The following SNCAIP variants were observed in gnomAD, a reference collection of about 807,000 sequenced individuals.
SNCAIP encodes synphilin-1.
In SNCAIP, 43 loss-of-function variants were observed where a neutral mutation model predicts 86.7. The observed-to-expected ratio is 0.50, with a 90% confidence interval of 0.39 to 0.64. The LOEUF (loss-of-function observed/expected upper bound fraction) is 0.64, where lower values mean the gene tolerates loss of function less well. SNCAIP is among the 30% of genes least tolerant of loss of function. SNCAIP has a pLI of 0.00. For missense variants in SNCAIP, 981 were observed against 1,103.1 expected (o/e 0.89, Z 1.57); for synonymous variants, 417 against 427.2 (o/e 0.98, Z 0.29).
At chr5:122,375,594 A>G (rs969735017) in intron 1 of SNCAIP, among the ~76,000 whole-genome samples, 3 of 151,942 alleles carry the variant, frequency 2.0e-5, no homozygotes, top group Non-Finnish European at 2.9e-5. Context: ...TGAAAATTAT[A>G]AAACTGGACC....
Position 122,451,182 on chromosome 5 carries a change from C to A in SNCAIP, c.2335C>A (p.Gln779Lys). 1 of 1,614,142 alleles carries A rather than the reference C, an allele frequency of 6.2e-7. No individual in the cohort carries two copies. The highest frequency in any genetic ancestry group is 2.2e-5 in the East Asian group (1 of 44,882). The change falls in exon 10 of 11, where the codon CAG (glutamine) becomes AAG (lysine). Residue 779 changes from glutamine (Q) to lysine (K), a missense_variant. Gln to Lys is a moderately conservative substitution (Grantham distance 53, BLOSUM62 1). Transcript: ENST00000261368. ...TCCAAACCAGCCCTCTGGTGACCCT[C>A]AGCAGCCCAGCCCTGACAGTACTGC... Reference protein sequence around the residue: ...IPPNQPSGDPQQPSPDSTAAQ... With the variant: ...IPPNQPSGDPKQPSPDSTAAQ...
chr5:122,440,807 C>T (rs750453907), intron 7 of SNCAIP, 53 bp downstream of exon 7: 13 of 1,528,300 alleles, frequency 8.5e-6, no homozygotes, highest in Admixed American at 6.7e-5. Flanking sequence ...AAATATTAAA[C>T]AAAACATTAA....
intron 1 of SNCAIP, among the ~76,000 whole-genome samples, chr5:122,343,657 G>A (rs966260565): frequency 1.3e-5 from 2 of 152,204 alleles, no homozygotes; most frequent in Non-Finnish European, 2.9e-5. Context: ...CTATGGCAGG[G>A]TTTCTTGACC....
intron 1 of SNCAIP, among the ~76,000 whole-genome samples, chr5:122,383,758 A>G (rs1199943634): frequency 2.6e-5 from 4 of 152,250 alleles, no homozygotes; most frequent in African/African-American, 9.6e-5. Context: ...AAAAAGACCA[A>G]TCCTTACAGG....
intron 1 of SNCAIP, among the ~76,000 whole-genome samples, chr5:122,376,886 C>G (rs1765432180): frequency 6.6e-6 from 1 of 152,140 alleles, no homozygotes; most frequent in African/African-American, 2.4e-5. Context: ...CCATCTCAGA[C>G]TACGCAAAAT....
chr5:122,315,814 A>T lies in SNCAIP; in HGVS notation c.-47+3530A>T, dbSNP rs750567107. 3.2e-4 allele frequency among the ~76,000 whole-genome samples: 49 copies of T among 152,150 alleles called. 1 individual carries two copies. Among genetic ancestry groups the T allele is most frequent in the Non-Finnish European group, 4.3e-4 (29 of 68,020 alleles). ...AGGCTGGTGGCAGGGTGAGCTGAGC[A>T]TTGTTGAAAGTTGATGTTTTTGAGA... is the stretch of plus-strand genomic sequence containing the variant. On this transcript the variant is annotated intron_variant, in intron 1 of 10. Coordinates refer to ENST00000261368, the MANE Select transcript of SNCAIP (RefSeq NM_005460.4).
chr5:122,344,605 G>C (rs1271984022), intron 1 of SNCAIP, among the ~76,000 whole-genome samples: 1 of 152,152 alleles, frequency 6.6e-6, no homozygotes, highest in Non-Finnish European at 1.5e-5. Flanking sequence ...TATGCAGTCA[G>C]TCACTCAAAA....
intron 1 of SNCAIP, among the ~76,000 whole-genome samples, chr5:122,316,898 G>A (rs1470802350): frequency 6.6e-6 from 1 of 152,202 alleles, no homozygotes; most frequent in Non-Finnish European, 1.5e-5. Flanking sequence ...AGTCTGAACA[G>A]CATACACAGC....
intron 3 of SNCAIP, among the ~76,000 whole-genome samples, chr5:122,419,317 T>C (rs1775912680): frequency 6.6e-6 from 1 of 152,152 alleles, no homozygotes; most frequent in Admixed American, 6.6e-5. Context: ...GTTTGTTCAA[T>C]CAATAGATGG....
chr5:122,447,085 C>T (rs1581349089), intron 8 of SNCAIP, among the ~76,000 whole-genome samples: 1 of 152,318 alleles, frequency 6.6e-6, no homozygotes, highest in South Asian at 2.1e-4. Flanking sequence ...TAGACACAGA[C>T]ATGCACACGG....
intron 3 of SNCAIP, among the ~76,000 whole-genome samples, chr5:122,411,520 A>G (rs1026518972): frequency 1.3e-5 from 2 of 152,020 alleles, no homozygotes; most frequent in Non-Finnish European, 2.9e-5. Context: ...CCCATTTCAG[A>G]TCACCCCTTT....
intron 1 of SNCAIP, among the ~76,000 whole-genome samples, chr5:122,364,479 A>G (rs769367658): frequency 3.9e-5 from 6 of 152,196 alleles, no homozygotes; most frequent in South Asian, 2.1e-4. Flanking sequence ...AATTTTCAAC[A>G]TTTTATTGTT....
intron 1 of SNCAIP, among the ~76,000 whole-genome samples, chr5:122,368,982 G>A (rs972826586): frequency 6.6e-6 from 1 of 152,080 alleles, no homozygotes; most frequent in Non-Finnish European, 1.5e-5. Flanking sequence ...CCCGGCCAGC[G>A]AACTAATCAG....
intron 1 of SNCAIP, among the ~76,000 whole-genome samples, chr5:122,325,679 A>C (rs1011310854): frequency 6.6e-6 from 1 of 152,226 alleles, no homozygotes; most frequent in Non-Finnish European, 1.5e-5. Flanking sequence ...AGGATTTATC[A>C]GGAATTTAGT....
Position 122,440,926 on chromosome 5 carries a change from T to C in SNCAIP, c.1422+172T>C, listed in dbSNP as rs970707861. ...TTCCAGAAATCCACACAAATGTAGG[T>C]AGGCATAAATATCCATAAGAGTTTC... On this transcript the variant is annotated intron_variant, in intron 7 of 10. Coordinates refer to ENST00000261368, the MANE Select transcript of SNCAIP (RefSeq NM_005460.4). The C allele has an allele frequency of 5.0e-5, 33 of 659,006 alleles. 1 individual carries two copies. In the East Asian group the frequency reaches 7.7e-4, roughly 15 times the overall value. The allele number at this position is 659,006 out of a possible 1,614,324, so 40.8% of individuals were successfully genotyped here. A position where few individuals can be genotyped will look rare whatever the true frequency, so the allele number is the denominator to read the frequency against.
chr5:122,332,367 G>T (rs1041528707), intron 1 of SNCAIP, among the ~76,000 whole-genome samples: 16 of 152,224 alleles, frequency 1.1e-4, no homozygotes, highest in Non-Finnish European at 1.3e-4. Flanking sequence ...TAACAGAAAT[G>T]AGGGGGAAAG....
intron 3 of SNCAIP, among the ~76,000 whole-genome samples, chr5:122,409,920 T>A (rs1369046): frequency 0.12 from 18,993 of 152,188 alleles, 1,234 homozygotes; most frequent in South Asian, 0.24. Context: ...AAAAGCTTGC[T>A]GATTAATCCA....
intron 1 of SNCAIP, among the ~76,000 whole-genome samples, chr5:122,351,106 C>T (rs1334091162): frequency 6.6e-6 from 1 of 152,176 alleles, no homozygotes; most frequent in Non-Finnish European, 1.5e-5. Context: ...TTTATGTTCT[C>T]TCAAATATAA....
chr5:122,322,455 A>G (rs1753140932), intron 1 of SNCAIP, among the ~76,000 whole-genome samples: 1 of 152,216 alleles, frequency 6.6e-6, no homozygotes, highest in Non-Finnish European at 1.5e-5. Context: ...TATCTCAGAA[A>G]ACAGCACGGT....
Sources: gnomAD v4.1 joint callset for allele counts (sites outside exome capture counted in the v4.1 genomes callset) on GRCh38, gnomAD v4.1.1 for gene constraint, MANE v1.5 for transcripts, NCBI Gene and HGNC (gene_info 2026-07-23, HGNC 2026-07-21) for gene names.